Variants in SEMA6D observed in about 807,000 individuals in gnomAD.
The protein encoded by SEMA6D is semaphorin-6D.
In SEMA6D, 35 loss-of-function variants were observed where a neutral mutation model predicts 106.6. That is an observed-to-expected ratio of 0.33 (90% CI 0.25 to 0.44). The LOEUF (loss-of-function observed/expected upper bound fraction) is 0.44, where lower values mean the gene tolerates loss of function less well. Among genes scored for constraint, SEMA6D ranks in the 20% least tolerant of loss-of-function variants. The probability of loss-of-function intolerance (pLI) is 1.00; values close to 1 mark genes in which losing one functional copy is unlikely to be tolerated. For synonymous variants in SEMA6D, 499 were observed against 487.7 expected (o/e 1.02, Z -0.31); for missense variants, 1,185 against 1,345.9 (o/e 0.88, Z 1.87).
At chr15:47,654,699 T>G (rs1221693158) in intron 4 of SEMA6D, among the ~76,000 whole-genome samples, 1 of 152,204 alleles carries the variant, frequency 6.6e-6, no homozygotes, top group East Asian at 1.9e-4. Context: ...CATTTAAAAC[T>G]GTGCGGCTCC....
intron 1 of SEMA6D, among the ~76,000 whole-genome samples, chr15:47,320,165 C>T (rs1000543778): frequency 3.3e-5 from 5 of 152,140 alleles, no homozygotes; most frequent in African/African-American, 1.2e-4. Flanking sequence ...TTCCCTCTGC[C>T]TTTCTGTTGC....
intron 3 of SEMA6D, among the ~76,000 whole-genome samples, chr15:47,569,825 A>C (rs1325771721): frequency 6.6e-6 from 1 of 152,112 alleles, no homozygotes; most frequent in Admixed American, 6.5e-5. Context: ...CTTTGGGAGA[A>C]CAAGGCGGGT....
intron 4 of SEMA6D, among the ~76,000 whole-genome samples, chr15:47,643,921 T>G (rs189940661): frequency 9.3e-4 from 142 of 152,012 alleles, no homozygotes; most frequent in Non-Finnish European, 1.6e-3. Flanking sequence ...TCTCCCACCC[T>G]TCTCAGGTCC....
At chr15:47,423,441 C>T (rs2041233324) in intron 2 of SEMA6D, among the ~76,000 whole-genome samples, 1 of 151,994 alleles carries the variant, frequency 6.6e-6, no homozygotes, top group Non-Finnish European at 1.5e-5. Flanking sequence ...TCTGAATCTG[C>T]CTTCTTGCTT....
intron 2 of SEMA6D, among the ~76,000 whole-genome samples, chr15:47,460,363 T>A (rs1488043759): frequency 6.6e-6 from 1 of 152,102 alleles, no homozygotes; most frequent in Non-Finnish European, 1.5e-5. Context: ...GGCAAATCAT[T>A]GCAAGCAGTG....
chr15:47,430,706 A>G (rs927983057), intron 2 of SEMA6D, among the ~76,000 whole-genome samples: 2 of 152,068 alleles, frequency 1.3e-5, no homozygotes, highest in South Asian at 2.1e-4. Context: ...TTTCTACTCC[A>G]TTCCCCCACA....
chr15:47,473,479 C>T (rs1409576214), intron 3 of SEMA6D, among the ~76,000 whole-genome samples: 1 of 152,160 alleles, frequency 6.6e-6, no homozygotes, highest in Non-Finnish European at 1.5e-5. Flanking sequence ...AGTCCCCTGA[C>T]TCACATTACA....
intron 1 of SEMA6D, among the ~76,000 whole-genome samples, chr15:47,317,593 TA>T (rs2036733639): frequency 6.6e-6 from 1 of 152,154 alleles, no homozygotes; most frequent in South Asian, 2.1e-4. Context: ...TTATTTCTCT[TA>T]CACTTTTGAA....
intron 4 of SEMA6D, among the ~76,000 whole-genome samples, chr15:47,708,317 C>T (rs1350240329): frequency 1.3e-5 from 2 of 152,122 alleles, no homozygotes; most frequent in Admixed American, 1.3e-4. Context: ...TAATCGTGGC[C>T]CCAGTATACC....
intron 2 of SEMA6D, among the ~76,000 whole-genome samples, chr15:47,467,459 A>G (rs1432550311): frequency 6.6e-6 from 1 of 152,162 alleles, no homozygotes; most frequent in Non-Finnish European, 1.5e-5. Flanking sequence ...ATAAGGCCAT[A>G]TACCCTGTGT....
intron 1 of SEMA6D, among the ~76,000 whole-genome samples, chr15:47,231,529 G>T (rs2032197113): frequency 1.3e-5 from 2 of 152,030 alleles, no homozygotes; most frequent in African/African-American, 4.8e-5. Context: ...TCCAGGCAGG[G>T]ATGCTTTTAA....
intron 2 of SEMA6D, among the ~76,000 whole-genome samples, chr15:47,420,056 A>G (rs189839941): frequency 1.5e-3 from 229 of 152,192 alleles, no homozygotes; most frequent in African/African-American, 5.3e-3. Context: ...TCAGGTGGTG[A>G]TTGACTGTTG....
chr15:47,745,564 T>G (rs940129799), intron 1 of SEMA6D, among the ~76,000 whole-genome samples: 3 of 152,206 alleles, frequency 2.0e-5, no homozygotes, highest in African/African-American at 7.2e-5. Context: ...GGAACTGAGA[T>G]TTTAAGAACT....
intron 1 of SEMA6D, among the ~76,000 whole-genome samples, chr15:47,409,633 A>G (rs1041035764): frequency 6.6e-6 from 1 of 152,142 alleles, no homozygotes; most frequent in Non-Finnish European, 1.5e-5. Context: ...GATTTTTCTA[A>G]TTCAGCTTTT....
At chr15:47,517,000 G>A (rs2141871865) in intron 3 of SEMA6D, among the ~76,000 whole-genome samples, 1 of 152,306 alleles carries the variant, frequency 6.6e-6, no homozygotes, top group South Asian at 2.1e-4. Context: ...GCAGAGAGCT[G>A]CTTTCTAGAG....
At chr15:47,705,328 G>A (rs1014493369) in intron 4 of SEMA6D, among the ~76,000 whole-genome samples, 22 of 152,016 alleles carry the variant, frequency 1.4e-4, no homozygotes, top group African/African-American at 4.6e-4. Context: ...AGGGTTTTAC[G>A]GTTTTACTTT....
At chr15:47,540,674 A>G (rs925592936) in intron 3 of SEMA6D, among the ~76,000 whole-genome samples, 4 of 152,186 alleles carry the variant, frequency 2.6e-5, no homozygotes, top group Non-Finnish European at 5.9e-5. Context: ...GCACCATCTC[A>G]TTGAAAAGCA....
intron 4 of SEMA6D, among the ~76,000 whole-genome samples, chr15:47,710,709 A>C (rs1431924970): frequency 2.0e-5 from 3 of 152,218 alleles, no homozygotes; most frequent in African/African-American, 7.2e-5. Context: ...ATATTGTTAA[A>C]AACCTCTAAC....
At chr15:47,430,502 A>G (rs995890349) in intron 2 of SEMA6D, among the ~76,000 whole-genome samples, 1 of 151,978 alleles carries the variant, frequency 6.6e-6, no homozygotes, top group Non-Finnish European at 1.5e-5. Flanking sequence ...ACTCAGGTAG[A>G]TGAAAGGGCA....
Sources: allele counts gnomAD v4.1 joint callset (sites outside exome capture counted in the v4.1 genomes callset), GRCh38; gene constraint gnomAD v4.1.1; transcripts MANE v1.5; gene names NCBI Gene and HGNC (gene_info 2026-07-23, HGNC 2026-07-21).